The following CBLB variants were observed in gnomAD, a reference collection of about 807,000 sequenced individuals.
CBLB encodes Cbl proto-oncogene B.
A neutral mutation model predicts 104.9 loss-of-function variants in CBLB; 31 were observed. The observed-to-expected ratio is 0.30, with a 90% CI of 0.22 to 0.40. The LOEUF (loss-of-function observed/expected upper bound fraction) is 0.40. Among genes scored for constraint, CBLB ranks in the 10% least tolerant of loss-of-function variants. The pLI is 1.00. For synonymous variants in CBLB, 440 were observed against 422.6 expected, an observed-to-expected ratio of 1.04 and a Z score of -0.51; for missense variants, 1,062 against 1,214.6, an observed-to-expected ratio of 0.87 and a Z score of 1.87.
chr3:105,836,956 C>T (rs1346303329), intron 3 of CBLB, among the ~76,000 whole-genome samples: 2 of 89,406 alleles, frequency 2.2e-5, no homozygotes, highest in African/African-American at 7.4e-5. Context: ...CACATCAAAA[C>T]AAAACAAGAC....
In CBLB at chr3:105,728,158, T is replaced by C. The variant is rs539587163; in HGVS notation, c.1203+5851A>G. Among the ~76,000 whole-genome samples the C allele has an allele frequency of 2.0e-5, 3 of 152,304 alleles. No homozygotes were observed. The South Asian group carries it at 6.2e-4, about 32-fold the overall frequency. ...ATTTTGGCCATTTTCATGATATTGA[T>C]TCTTTCTTTATGTCCTCTCTGTTTG... is the stretch of plus-strand genomic sequence containing the variant. On this transcript the variant is annotated intron_variant, in intron 9 of 18. Coordinates refer to ENST00000394030, the MANE Select transcript of CBLB (RefSeq NM_170662.5).
At chr3:105,798,564 C>T (rs2082492965) in intron 3 of CBLB, among the ~76,000 whole-genome samples, 1 of 152,174 alleles carries the variant, frequency 6.6e-6, no homozygotes. Flanking sequence ...ATACAGACCA[C>T]AACAGAAATA....
intron 10 of CBLB, among the ~76,000 whole-genome samples, chr3:105,716,273 G>C (rs1046960589): frequency 2.0e-5 from 3 of 152,078 alleles, no homozygotes; most frequent in Admixed American, 6.6e-5. Flanking sequence ...TTAGTATTCA[G>C]GTTGGAACAA....
At chr3:105,667,374 A>G (rs566270801) in intron 18 of CBLB, among the ~76,000 whole-genome samples, 41 of 152,300 alleles carry the variant, frequency 2.7e-4, no homozygotes, top group Non-Finnish European at 5.4e-4. Context: ...GCAAACTGAG[A>G]AATTTGTAAA....
chr3:105,829,139 T>C (rs2153073939), intron 3 of CBLB, among the ~76,000 whole-genome samples: 1 of 152,222 alleles, frequency 6.6e-6, no homozygotes, highest in African/African-American at 2.4e-5. Flanking sequence ...TCCTGAAATA[T>C]TCCCCAAAGT....
intron 3 of CBLB, among the ~76,000 whole-genome samples, chr3:105,803,717 A>C (rs2153022945): frequency 6.6e-6 from 1 of 152,358 alleles, no homozygotes; most frequent in South Asian, 2.1e-4. Context: ...AAGTTGATTA[A>C]TATAACAAAG....
Position 105,730,836 on chromosome 3 carries a change from T to C in CBLB, c.1203+3173A>G, listed in dbSNP as rs1576679553. ...ATTATTTCAACCTTCTGAATAGTTT[T>C]GAATTTGTCATTTTTGTTTCTACTT... On this transcript the variant is annotated intron_variant, in intron 9 of 18. Coordinates refer to ENST00000394030, the MANE Select transcript of CBLB (RefSeq NM_170662.5). 2.6e-5 allele frequency among the ~76,000 whole-genome samples: 4 copies of C among 152,324 alleles called. No homozygotes were observed. In the East Asian group the frequency reaches 7.7e-4, roughly 29 times the overall value.
At chr3:105,744,644 T>C (rs1490432005) in intron 6 of CBLB, among the ~76,000 whole-genome samples, 2 of 151,266 alleles carry the variant, frequency 1.3e-5, no homozygotes, top group Admixed American at 6.6e-5. Context: ...AAAAAAAAAC[T>C]GTTTTGGCCA....
chr3:105,783,563 C>T lies in CBLB; in HGVS notation c.420-7021G>A, dbSNP rs115725334. Among the ~76,000 whole-genome samples the T allele has an allele frequency of 6.2e-3, 944 of 152,208 alleles. 11 individuals carry two copies. The highest frequency in any genetic ancestry group is 0.021 in the African/African-American group (891 of 41,502). The stretch of plus-strand genomic sequence containing the variant: ...TTCAAATCTCTGAGTGCCTATTATA[C>T]GCCAGGCTTAGTCTAGGCACTGATA... On this transcript the variant is annotated intron_variant, in intron 3 of 18. Coordinates refer to ENST00000394030, the MANE Select transcript of CBLB (RefSeq NM_170662.5).
chr3:105,670,505 G>A, intron 17 of CBLB, 153 bp from the exon 18 acceptor site: 1 of 628,608 alleles, frequency 1.6e-6, no homozygotes, highest in Non-Finnish European at 2.8e-6. Flanking sequence ...TTTACTGCCT[G>A]CATATTTTCT....
chr3:105,802,887 AC>A (rs770805648), intron 3 of CBLB, among the ~76,000 whole-genome samples: 8 of 152,238 alleles, frequency 5.3e-5, no homozygotes, highest in Non-Finnish European at 1.0e-4. Context: ...TAGAATTTAT[AC>A]ACATATATGT....
In CBLB at chr3:105,857,553, A is replaced by G. The variant is rs367610629; in HGVS notation, c.169-3889T>C. Among the ~76,000 whole-genome samples the G allele has an allele frequency of 2.0e-5, 3 of 152,352 alleles. No individual in the cohort carries two copies. The East Asian group carries it at 5.8e-4, about 29-fold the overall frequency. ...CTAGAAAGATTAAGGGACCATTAAA[A>G]TATCATTAATCCAATACAAGAGCTT... On this transcript the variant is annotated intron_variant, in intron 2 of 18. Transcript: ENST00000394030.
chr3:105,750,208 C>T (rs1396101767), intron 5 of CBLB, among the ~76,000 whole-genome samples: 2 of 151,870 alleles, frequency 1.3e-5, no homozygotes, highest in East Asian at 1.9e-4. Flanking sequence ...TTAGTAGAGG[C>T]GGGGTTTCAC....
intron 4 of CBLB, among the ~76,000 whole-genome samples, chr3:105,772,795 G>T (rs114543695): frequency 0.011 from 1,724 of 152,274 alleles, 12 homozygotes; most frequent in Non-Finnish European, 0.017. Context: ...TCGGGGAAAT[G>T]CAAATGAAAA....
At chr3:105,714,417 T>C (rs913723270) in intron 10 of CBLB, among the ~76,000 whole-genome samples, 4 of 152,152 alleles carry the variant, frequency 2.6e-5, no homozygotes, top group African/African-American at 9.7e-5. Context: ...TTAGAATCAG[T>C]GGGAGCCCTG....
chr3:105,783,309 T>C (rs1053578073), intron 3 of CBLB, among the ~76,000 whole-genome samples: 1 of 152,192 alleles, frequency 6.6e-6, no homozygotes, highest in East Asian at 1.9e-4. Context: ...AAGTAAGTTA[T>C]TTATCATTAA....
At chr3:105,659,565 A>G (rs1576069378) in intron 18 of CBLB, among the ~76,000 whole-genome samples, 2 of 152,192 alleles carry the variant, frequency 1.3e-5, no homozygotes, top group East Asian at 3.9e-4. Flanking sequence ...GAAGCCTTTC[A>G]CTTTGTTTAG....
intron 4 of CBLB, among the ~76,000 whole-genome samples, chr3:105,754,531 G>GAGAGAGAC (rs2076896714): frequency 1.1e-4 from 14 of 127,664 alleles, no homozygotes; most frequent in Non-Finnish European, 1.3e-4. Context: ...GACAGAGAGA[G>GAGAGAGAC]AGAGAGAGAG....
At chr3:105,869,424 C>T, upstream of CBLB, 2 of 1,328,270 alleles carry the variant, frequency 1.5e-6, no homozygotes, top group Non-Finnish European at 2.0e-6. Context: ...GCTTCGCTTA[C>T]CTTCCTAGTC....
Sources: allele counts gnomAD v4.1 joint callset (sites outside exome capture counted in the v4.1 genomes callset), GRCh38; gene constraint gnomAD v4.1.1; transcripts MANE v1.5; gene names NCBI Gene and HGNC (gene_info 2026-07-23, HGNC 2026-07-21).